CDYL: variants seen among roughly 807,000 people sequenced by gnomAD.
CDYL encodes chromodomain Y like.
Under a neutral mutation model 47.3 loss-of-function variants are expected in CDYL, and 8 were observed. The observed-to-expected ratio is 0.17, with a 90% confidence interval of 0.10 to 0.31. CDYL has a LOEUF of 0.31. CDYL is among the 10% of genes least tolerant of loss of function. CDYL has a pLI of 1.00. For synonymous variants in CDYL, 266 were observed against 265.0 expected (o/e 1.00, Z -0.04); for missense variants, 471 against 701.4 (o/e 0.67, Z 3.71).
At chr6:4,888,427 G>A (rs1479043204) in intron 1 of CDYL, among the ~76,000 whole-genome samples, 3 of 150,970 alleles carry the variant, frequency 2.0e-5, no homozygotes, top group African/African-American at 4.9e-5. Flanking sequence ...AAAATTATTG[G>A]CATATAGTTG....
At chr6:4,902,432 A>G (rs1195351659) in intron 2 of CDYL, among the ~76,000 whole-genome samples, 1 of 150,968 alleles carries the variant, frequency 6.6e-6, no homozygotes, top group African/African-American at 2.4e-5. Flanking sequence ...GACAGTAGGT[A>G]CTGAGCAAGC....
intron 2 of CDYL, among the ~76,000 whole-genome samples, chr6:4,929,074 T>C (rs1757958463): frequency 6.6e-6 from 1 of 152,262 alleles, no homozygotes; most frequent in Non-Finnish European, 1.5e-5. Context: ...TGTCTGGTAT[T>C]ATTTTCCTTC....
At chr6:4,706,939 C>G (rs1056767362) in intron 1 of CDYL, among the ~76,000 whole-genome samples, 2 of 152,166 alleles carry the variant, frequency 1.3e-5, no homozygotes, top group Admixed American at 1.3e-4. Context: ...GTGGAAGGAA[C>G]AGAATGGTGA....
chr6:4,786,388 C>CTG (rs141243921), intron 1 of CDYL, among the ~76,000 whole-genome samples: 3,753 of 151,024 alleles, frequency 0.025, 162 homozygotes, highest in African/African-American at 0.087. Context: ...TGGTCTCTTG[C>CTG]TGTGTGTGTG....
chr6:4,814,403 T>C (rs1581184109), intron 1 of CDYL, among the ~76,000 whole-genome samples: 1 of 152,316 alleles, frequency 6.6e-6, no homozygotes, highest in African/African-American at 2.4e-5. Flanking sequence ...TCATGGAGCA[T>C]ATGCAGAGTC....
rs975324702 is a variant in CDYL at position 4,715,987 on chromosome 6, G to A, written c.103+106G>A. On this transcript the variant is annotated intron_variant, in intron 2 of 8. Transcript: ENST00000328908. ...TTACTGGCCGGGCACGGTGGCTCAC[G>A]CCTATAATCCCAGCACTTTGGGAGG... is the stretch of plus-strand genomic sequence containing the variant. 18 of 1,476,834 alleles carry A rather than the reference G, an allele frequency of 1.2e-5. No homozygotes were observed. In the African/African-American group the frequency reaches 1.6e-4, roughly 13 times the overall value. The allele number at this position is 1,476,834 out of a possible 1,614,324, so 91.5% of individuals were successfully genotyped here.
In CDYL at chr6:4,891,942, G is replaced by C; in HGVS notation, c.254G>C (p.Arg85Thr). 6.2e-7 allele frequency: 1 copy of C among 1,614,098 alleles called. No individual in the cohort carries two copies. Among genetic ancestry groups the C allele is most frequent in the Non-Finnish European group, 8.5e-7 (1 of 1,180,032 alleles). Residue 85 changes from arginine (R) to threonine (T), a missense_variant, in exon 2 of 7, where the codon AGA (arginine) becomes ACA (threonine). Physicochemically the swap from Arg to Thr is moderately conservative, Grantham distance 71 (BLOSUM62 -1). Coordinates refer to ENST00000397588, the MANE Select transcript of CDYL (RefSeq NM_004824.4). ...SPNNARKQIS[R>T]STNSNFSKTS... ...AACAATGCTAGGAAACAAATCTCCA[G>C]ATCCACCAACAGCAACTTTTCTAAG...
intron 1 of CDYL, among the ~76,000 whole-genome samples, chr6:4,862,223 G>C (rs1303561931): frequency 6.6e-6 from 1 of 152,166 alleles, no homozygotes; most frequent in Non-Finnish European, 1.5e-5. Flanking sequence ...TGATCCCCTG[G>C]CATAGTCTGT....
At chr6:4,723,020 T>C (rs1219076571) in intron 2 of CDYL, among the ~76,000 whole-genome samples, 2 of 152,230 alleles carry the variant, frequency 1.3e-5, no homozygotes, top group Non-Finnish European at 2.9e-5. Context: ...ACAGCCTTTA[T>C]TGAATGCCTT....
chr6:4,773,205 G>A (rs992444692), upstream of CDYL: 33 of 457,304 alleles, frequency 7.2e-5, no homozygotes, highest in Admixed American at 4.5e-4. The surrounding 1 kb of genome is among the most constrained non-coding windows in gnomAD (Gnocchi z 4.6). Flanking sequence ...GCTGGTAGAC[G>A]TGTCTTTTAA....
chr6:4,911,426 G>A lies in CDYL; in HGVS notation c.691+19047G>A, dbSNP rs1259853984. On this transcript the variant is annotated intron_variant, in intron 2 of 6. Coordinates refer to ENST00000397588, the MANE Select transcript of CDYL (RefSeq NM_004824.4). Reference sequence around the variant, plus strand: ...TAGAAGTATAACTGTGCACGGTAATGAGACTTGAAAAACAGTTTTGCCCTA... The same window carrying A: ...TAGAAGTATAACTGTGCACGGTAATAAGACTTGAAAAACAGTTTTGCCCTA... Among the ~76,000 whole-genome samples the A allele has an allele frequency of 2.0e-5, 3 of 152,196 alleles. No individual in the cohort carries two copies. The East Asian group carries it at 5.8e-4, about 29-fold the overall frequency.
intron 3 of CDYL, among the ~76,000 whole-genome samples, chr6:4,750,709 GA>G (rs909236050): frequency 4.0e-5 from 6 of 151,420 alleles, no homozygotes; most frequent in African/African-American, 1.2e-4. Flanking sequence ...ACAAAAGCTA[GA>G]AAAAAAATTA....
chr6:4,771,165 G>A (rs939809594), intron 3 of CDYL, among the ~76,000 whole-genome samples: 1 of 151,986 alleles, frequency 6.6e-6, no homozygotes, highest in African/African-American at 2.4e-5. Context: ...CCAGGCTGGA[G>A]TGCAGTGGTG....
intron 2 of CDYL, among the ~76,000 whole-genome samples, chr6:4,894,964 TATGTGTA>T (rs1762171389): frequency 2.7e-5 from 4 of 150,466 alleles, no homozygotes; most frequent in Non-Finnish European, 4.4e-5. Flanking sequence ...TATATATACG[TATGTGTA>T]TATGTGTATG....
intron 1 of CDYL, among the ~76,000 whole-genome samples, chr6:4,871,708 C>T (rs1761479772): frequency 6.6e-6 from 1 of 152,208 alleles, no homozygotes; most frequent in Non-Finnish European, 1.5e-5. Flanking sequence ...TTGGCCGTGT[C>T]CTCTCCACCC....
rs551956227 is a variant in CDYL at position 4,744,395 on chromosome 6, T to C, written c.186+9551T>C. ...CTGTAGTCCCAGCTACTCAGGAGGC[T>C]GAGGCAGGAGGATTGCTTGAGCCCA... On this transcript the variant is annotated intron_variant, in intron 3 of 8. Coordinates refer to the CDYL transcript ENST00000328908. Among the ~76,000 whole-genome samples the C allele has an allele frequency of 3.3e-5, 5 of 152,202 alleles. No homozygotes were observed. In the South Asian group the frequency reaches 1.0e-3, roughly 32 times the overall value.
intron 1 of CDYL, among the ~76,000 whole-genome samples, chr6:4,866,684 C>T (rs1257762057): frequency 2.0e-5 from 3 of 152,180 alleles, no homozygotes; most frequent in Admixed American, 2.0e-4. Flanking sequence ...CTATCAAAGA[C>T]AGTGAGGACT....
intron 2 of CDYL, among the ~76,000 whole-genome samples, chr6:4,725,764 G>T (rs1268939673): frequency 6.6e-6 from 1 of 152,268 alleles, no homozygotes; most frequent in Non-Finnish European, 1.5e-5. Context: ...CAGTGCAGCG[G>T]CGGGCTGAGG....
intron 1 of CDYL, among the ~76,000 whole-genome samples, chr6:4,815,127 T>A (rs1759635807): frequency 1.3e-5 from 2 of 152,210 alleles, no homozygotes; most frequent in African/African-American, 4.8e-5. Context: ...ATACTAGTAA[T>A]AACAAATACT....
Sources: allele counts gnomAD v4.1 joint callset (sites outside exome capture counted in the v4.1 genomes callset), GRCh38; gene constraint gnomAD v4.1.1; non-coding constraint Gnocchi (gnomAD v3.1); transcripts MANE v1.5; gene names NCBI Gene and HGNC (gene_info 2026-07-23, HGNC 2026-07-21).